The following ACSS3 variants were observed in gnomAD, a reference collection of about 807,000 sequenced individuals.
The protein encoded by ACSS3 is acyl-CoA synthetase short chain family member 3, also known as acyl-CoA synthetase short-chain family member 3, mitochondrial.
In ACSS3, 64 loss-of-function variants were observed where a neutral mutation model predicts 84.2. That is an observed-to-expected ratio of 0.76 (90% CI 0.62 to 0.94). The LOEUF (loss-of-function observed/expected upper bound fraction) is 0.94, where lower values mean the gene tolerates loss of function less well. Among genes scored for constraint, ACSS3 ranks in the 40% least tolerant of loss-of-function variants. The probability of loss-of-function intolerance (pLI) is 0.00; values close to 1 mark genes in which losing one functional copy is unlikely to be tolerated. For synonymous variants in ACSS3, 317 were observed against 310.1 expected (o/e 1.02, Z -0.23); for missense variants, 815 against 867.6 (o/e 0.94, Z 0.76).
chr12:81,192,036 T>C (rs905505894), intron 8 of ACSS3, among the ~76,000 whole-genome samples: 2 of 152,220 alleles, frequency 1.3e-5, no homozygotes, highest in African/African-American at 2.4e-5. Flanking sequence ...CTTTTTTCTT[T>C]TGAGAGTTTA....
chr12:81,223,236 C>T (rs1328449664), intron 11 of ACSS3, among the ~76,000 whole-genome samples: 2 of 152,040 alleles, frequency 1.3e-5, no homozygotes, highest in East Asian at 1.9e-4. Flanking sequence ...GTGGCCTGTT[C>T]ACCCTGTGCT....
chr12:81,113,831 TTA>T (rs1196396533), intron 2 of ACSS3, among the ~76,000 whole-genome samples: 1 of 152,086 alleles, frequency 6.6e-6, no homozygotes. Context: ...TTTCCCACAC[TTA>T]TAACTCAGAA....
chr12:81,255,205 G>A lies in ACSS3; in HGVS notation c.*283G>A, dbSNP rs1362533744. ...TATCTAGTGTATTATTTTTAAAATT[G>A]TACCTCCCAAGAAGAACACTTTAAT... is the stretch of plus-strand genomic sequence containing the variant. On this transcript the variant is annotated 3_prime_UTR_variant, in exon 16 of 16. Transcript: ENST00000548058. 4.4e-6 allele frequency: 1 copy of A among 226,504 alleles called. No homozygotes were observed. The highest frequency in any genetic ancestry group is 8.5e-6 in the Non-Finnish European group (1 of 118,058). 14.0% of individuals were successfully genotyped at this position (226,504 alleles called of 1,614,324 possible). A position where few individuals can be genotyped will look rare whatever the true frequency, so the allele number is the denominator to read the frequency against.
intron 2 of ACSS3, among the ~76,000 whole-genome samples, chr12:81,114,125 C>T (rs771874542): frequency 3.3e-5 from 5 of 151,968 alleles, no homozygotes; most frequent in Admixed American, 2.0e-4. Context: ...TAAATAAGAA[C>T]GTGTCCCCTG....
At chr12:81,118,407 A>G (rs1302193437) in intron 2 of ACSS3, among the ~76,000 whole-genome samples, 2 of 152,134 alleles carry the variant, frequency 1.3e-5, no homozygotes, top group Non-Finnish European at 2.9e-5. Flanking sequence ...GTATGTCCCA[A>G]CTCTTGGGAA....
intron 7 of ACSS3, among the ~76,000 whole-genome samples, chr12:81,156,997 A>G (rs1886908457): frequency 1.3e-5 from 2 of 152,190 alleles, no homozygotes; most frequent in Non-Finnish European, 2.9e-5. Flanking sequence ...TCTCCTTATC[A>G]TTTAATGAAG....
chr12:81,159,955 C>T (rs1565697408), intron 7 of ACSS3, among the ~76,000 whole-genome samples: 1 of 152,204 alleles, frequency 6.6e-6, no homozygotes, highest in Admixed American at 6.5e-5. Flanking sequence ...CTTATCTTTG[C>T]TGTCTACCAA....
chr12:81,260,225 G>A lies in ACSS3; in HGVS notation c.*5303G>A, dbSNP rs1027662129. 4.6e-5 allele frequency: 7 copies of A among 152,100 alleles called. No individual in the cohort carries two copies. The highest frequency in any genetic ancestry group is 1.7e-4 in the African/African-American group (7 of 41,434). 9.4% of individuals were successfully genotyped at this position (152,100 alleles called of 1,614,324 possible). On this transcript the variant is annotated 3_prime_UTR_variant, in exon 16 of 16. Transcript: ENST00000548058. Reference sequence around the variant, plus strand: ...GCTCTGGATTATTTTAATATCAAAAGTGTTGTTGTTTCACCCAAACAAAAA... The same window carrying A: ...GCTCTGGATTATTTTAATATCAAAAATGTTGTTGTTTCACCCAAACAAAAA...
In ACSS3 at chr12:81,152,807, A is replaced by G. The variant is rs1196067655; in HGVS notation, c.1098+711A>G. 5.3e-5 allele frequency among the ~76,000 whole-genome samples: 8 copies of G among 152,316 alleles called. No homozygotes were observed. In the East Asian group the frequency reaches 1.5e-3, roughly 29 times the overall value. On this transcript the variant is annotated intron_variant, in intron 7 of 15. Coordinates refer to ENST00000548058, the MANE Select transcript of ACSS3 (RefSeq NM_024560.4). ...TTGGACTTTTGGGACAAATTTAACA[A>G]GATGGAAAAATACATAAATATTTAC... is the stretch of plus-strand genomic sequence containing the variant.
intron 2 of ACSS3, among the ~76,000 whole-genome samples, chr12:81,110,276 T>C (rs1408680944): frequency 6.6e-6 from 1 of 152,184 alleles, no homozygotes; most frequent in Non-Finnish European, 1.5e-5. Flanking sequence ...CACAACCCTT[T>C]CTTTTACCCT....
intron 1 of ACSS3, among the ~76,000 whole-genome samples, chr12:81,080,268 G>A (rs1041038781): frequency 1.3e-5 from 2 of 151,948 alleles, no homozygotes; most frequent in African/African-American, 2.4e-5. Context: ...TTGGAAGTGA[G>A]TGTCAATGTC....
chr12:81,129,853 C>A (rs1326100440), intron 2 of ACSS3, among the ~76,000 whole-genome samples: 1 of 148,750 alleles, frequency 6.7e-6, no homozygotes, highest in South Asian at 2.1e-4. Context: ...TCAATTCCCA[C>A]CTATGAGTGA....
chr12:81,236,536 C>T (rs2033636594), intron 13 of ACSS3, among the ~76,000 whole-genome samples: 1 of 151,124 alleles, frequency 6.6e-6, no homozygotes, highest in Non-Finnish European at 1.5e-5. Context: ...TAGACAGCAC[C>T]TACTTAGTTC....
chr12:81,225,095 G>T (rs1020611442), intron 11 of ACSS3, among the ~76,000 whole-genome samples: 1 of 151,524 alleles, frequency 6.6e-6, no homozygotes, highest in African/African-American at 2.4e-5. Flanking sequence ...TACTACCATG[G>T]TTTCTCAGGC....
intron 9 of ACSS3, 21 bp from the exon 10 acceptor site, chr12:81,216,880 A>G: frequency 6.3e-7 from 1 of 1,586,514 alleles, no homozygotes; most frequent in Non-Finnish European, 8.6e-7. Flanking sequence ...ATGAAGTGAT[A>G]AATAACATTT....
intron 1 of ACSS3, 97 bp from the exon 2 acceptor site, chr12:81,109,463 A>T: frequency 7.2e-7 from 1 of 1,391,058 alleles, no homozygotes; most frequent in Non-Finnish European, 9.7e-7. Context: ...ACATTGTTTT[A>T]AGGCCAGCTC....
intron 1 of ACSS3, among the ~76,000 whole-genome samples, chr12:81,093,921 C>G (rs763761053): frequency 6.6e-6 from 1 of 152,020 alleles, no homozygotes; most frequent in African/African-American, 2.4e-5. Flanking sequence ...TGGAATTGTA[C>G]TATCCATCCA....
chr12:81,208,946 G>A (rs1337781648), intron 9 of ACSS3, among the ~76,000 whole-genome samples: 1 of 152,074 alleles, frequency 6.6e-6, no homozygotes, highest in African/African-American at 2.4e-5. Context: ...GAATATATTC[G>A]ATAAATACTT....
intron 9 of ACSS3, among the ~76,000 whole-genome samples, chr12:81,205,936 A>C (rs937100903): frequency 6.6e-6 from 1 of 152,096 alleles, no homozygotes; most frequent in African/African-American, 2.4e-5. Context: ...TTTACTGCAA[A>C]ATACATTCCT....
Sources: gnomAD v4.1 joint callset for allele counts (sites outside exome capture counted in the v4.1 genomes callset) on GRCh38, gnomAD v4.1.1 for gene constraint, MANE v1.5 for transcripts, NCBI Gene and HGNC (gene_info 2026-07-23, HGNC 2026-07-21) for gene names.